The following DCANP1 variants were observed in gnomAD, a reference collection of about 807,000 sequenced individuals.
DCANP1 encodes the protein dendritic cell associated nuclear protein 1, also known as dendritic cell nuclear protein 1.
For synonymous variants in DCANP1, 139 were observed against 124.2 expected (o/e 1.12, Z -0.79); for missense variants, 328 against 293.7 (o/e 1.12, Z -0.85).
In DCANP1 at chr5:135,446,844, G is replaced by A. The variant is rs1218150137; in HGVS notation, c.265C>T (p.Leu89Phe). Residue 89 changes from leucine to phenylalanine, a missense_variant, in exon 1 of 1, where the codon CTC becomes TTC. Leu to Phe is a conservative substitution (Grantham distance 22, BLOSUM62 0). Coordinates refer to ENST00000503143, the MANE Select transcript of DCANP1 (RefSeq NM_130848.3). ...TTGGAGTTGCAGAGTCCCCTGTGGA[G>A]GAATTGAACTGCCCCCTCTCGCAGG... Reference protein sequence around the residue: ...GVLREGAVQFLHRGLCNSNLS... With the variant: ...GVLREGAVQFFHRGLCNSNLS... The A allele has an allele frequency of 1.2e-6, 2 of 1,613,958 alleles. No individual in the cohort carries two copies. The highest frequency in any genetic ancestry group is 2.2e-5 in the East Asian group (1 of 44,874).
rs972798402 is a variant in DCANP1, at chr5:135,445,112, C to T, written c.*1262G>A. On this transcript the variant is annotated 3_prime_UTR_variant, in exon 1 of 1. Coordinates refer to ENST00000503143, the MANE Select transcript of DCANP1 (RefSeq NM_130848.3). ...CCTCTGATTGCTATCCTCAGAGCCC[C>T]TCCAGGGTCTCCTTGGCAGGGGCTG... is the stretch of plus-strand genomic sequence containing the variant. 2.0e-5 allele frequency: 3 copies of T among 152,300 alleles called. No individual in the cohort carries two copies. The highest frequency in any genetic ancestry group is 2.9e-5 in the Non-Finnish European group (2 of 68,034). The allele number at this position is 152,300 out of a possible 1,614,324, so 9.4% of individuals were successfully genotyped here. A position where few individuals can be genotyped will look rare whatever the true frequency, so the allele number is the denominator to read the frequency against.
At position 135,446,689 on chromosome 5, in the gene DCANP1, C is replaced by T. The variant is rs372976487; in HGVS notation, c.420G>A (p.Pro140=). Residue 140 remains proline (P), a synonymous_variant, in exon 1 of 1, where the codon CCG becomes CCA. Transcript: ENST00000503143. ...KHLVCSFRLY[P]FTVHTVSPGN... ...CCGGTGAGACTGTGTGAACTGTGAA[C>T]GGGTAGAGTCTGAAACTACAAACCA... 8.9e-5 allele frequency: 143 copies of T among 1,613,758 alleles called. No homozygotes were observed. The highest frequency in any genetic ancestry group is 7.6e-4 in the East Asian group (34 of 44,874).
chr5:135,446,008 G>C lies in DCANP1; in HGVS notation c.*366C>G, dbSNP rs778421248. ...GTAGCTCCTTTTGTGCCTGAGTGTA[G>C]ACTGGGTCCATGTGCCTACATGCAT... is the stretch of plus-strand genomic sequence containing the variant. On this transcript the variant is annotated 3_prime_UTR_variant, in exon 1 of 1. Transcript: ENST00000503143. 4.8e-5 allele frequency: 9 copies of C among 186,964 alleles called. No individual in the cohort carries two copies. The highest frequency in any genetic ancestry group is 7.0e-5 in the African/African-American group (3 of 42,564). 11.6% of individuals were successfully genotyped at this position (186,964 alleles called of 1,614,324 possible). A position where few individuals can be genotyped will look rare whatever the true frequency, so the allele number is the denominator to read the frequency against.
rs1769213549 is a variant in DCANP1, at chr5:135,444,280, TCA to T, written c.*2092_*2093del. On this transcript the variant is annotated 3_prime_UTR_variant, in exon 1 of 1. Coordinates refer to ENST00000503143, the MANE Select transcript of DCANP1 (RefSeq NM_130848.3). ...GAGTTCACGTTAAAGGTAAGAGGAA[TCA>T]CAGCCCTGCAATTCAAATAGGGTTC... is the stretch of plus-strand genomic sequence containing the variant. The T allele has an allele frequency of 6.6e-6, 1 of 152,342 alleles. No individual in the cohort carries two copies. The highest frequency in any genetic ancestry group is 1.9e-4 in the East Asian group (1 of 5,194). The allele number at this position is 152,342 out of a possible 1,614,324, so 9.4% of individuals were successfully genotyped here.
Position 135,446,055 on chromosome 5 carries a change from G to C in DCANP1, c.*319C>G, listed in dbSNP as rs903300452. ...GCATTCAGTTCCTCCCACCAAACTG[G>C]ACAGTGATAGCTAACCCTGTTGACC... On this transcript the variant is annotated 3_prime_UTR_variant, in exon 1 of 1. Coordinates refer to ENST00000503143, the MANE Select transcript of DCANP1 (RefSeq NM_130848.3). 4.3e-6 allele frequency: 1 copy of C among 234,008 alleles called. No individual in the cohort carries two copies. The highest frequency in any genetic ancestry group is 8.4e-6 in the Non-Finnish European group (1 of 119,288). The allele number at this position is 234,008 out of a possible 1,614,324, so 14.5% of individuals were successfully genotyped here.
Position 135,447,140 on chromosome 5 carries a change from C to T in DCANP1, c.-32G>A. The T allele has an allele frequency of 6.2e-7, 1 of 1,613,680 alleles. No individual in the cohort carries two copies. Among genetic ancestry groups the T allele is most frequent in the African/African-American group, 1.3e-5 (1 of 75,054 alleles). On this transcript the variant is annotated 5_prime_UTR_variant, in exon 1 of 1. Transcript: ENST00000503143. ...GGGACCATTTTGGTCAGTGACAGAT[C>T]ACTGCTGCTTTTCATCAGACCAAAA... is the stretch of plus-strand genomic sequence containing the variant.
rs1469659922 is a variant in DCANP1 at position 135,446,237 on chromosome 5, G to C, written c.*137C>G. The C allele has an allele frequency of 1.2e-5, 12 of 1,009,770 alleles. No homozygotes were observed. In the Admixed American group the frequency reaches 1.5e-4, roughly 12 times the overall value. 62.6% of individuals were successfully genotyped at this position (1,009,770 alleles called of 1,614,324 possible). ...CCAGGATCACAGAACTATAGTAAGT[G>C]GGGGTGGGGACAAGAATTCTAACCC... On this transcript the variant is annotated 3_prime_UTR_variant, in exon 1 of 1. Coordinates refer to ENST00000503143, the MANE Select transcript of DCANP1 (RefSeq NM_130848.3).
Position 135,444,439 on chromosome 5 carries a change from G to A in DCANP1, c.*1935C>T, listed in dbSNP as rs575198464. 2.3e-4 allele frequency: 35 copies of A among 152,394 alleles called. No homozygotes were observed. Among genetic ancestry groups the A allele is most frequent in the African/African-American group, 7.0e-4 (29 of 41,588 alleles). 9.4% of individuals were successfully genotyped at this position (152,394 alleles called of 1,614,324 possible). Reference sequence around the variant, plus strand: ...AGGTTAGGCTGCCACCATGAGGGAAGCTGGAGGGAGGACCTGTTAACCTCA... The same window carrying A: ...AGGTTAGGCTGCCACCATGAGGGAAACTGGAGGGAGGACCTGTTAACCTCA... On this transcript the variant is annotated 3_prime_UTR_variant, in exon 1 of 1. Coordinates refer to ENST00000503143, the MANE Select transcript of DCANP1 (RefSeq NM_130848.3).
In DCANP1 at chr5:135,446,987, T is replaced by C. The variant is rs1437612832; in HGVS notation, c.122A>G (p.His41Arg). ...AAAGTTCTCTGGTGGAGCTGGGGAG[T>C]GGCACCCTGGGAACTCTGGGGTTTC... ...GGETPEFPGC[H>R]SPAPPENFGN... The change falls in exon 1 of 1, where the codon CAC (histidine) becomes CGC (arginine). Residue 41 changes from histidine to arginine, a missense_variant. Coordinates refer to ENST00000503143, the MANE Select transcript of DCANP1 (RefSeq NM_130848.3). 1 of 1,613,034 alleles carries C rather than the reference T, an allele frequency of 6.2e-7. No homozygotes were observed. The highest frequency in any genetic ancestry group is 1.6e-4 in the Middle Eastern group (1 of 6,062).
Position 135,446,640 on chromosome 5 carries a change from G to C in DCANP1, c.469C>G (p.Gln157Glu), listed in dbSNP as rs1233092779. 1.2e-6 allele frequency: 2 copies of C among 1,613,916 alleles called. No individual in the cohort carries two copies. Among genetic ancestry groups the C allele is most frequent in the African/African-American group, 2.7e-5 (2 of 74,938 alleles). The change falls in exon 1 of 1, where the codon CAA (glutamine) becomes GAA (glutamate). Residue 157 changes from glutamine to glutamate, a missense_variant. Physicochemically the swap from Gln to Glu is conservative, Grantham distance 29. Coordinates refer to ENST00000503143, the MANE Select transcript of DCANP1 (RefSeq NM_130848.3). Reference protein sequence around the residue: ...SPGNSHLALYQVFKAVKLCPS... With the variant: ...SPGNSHLALYEVFKAVKLCPS... ...CAGAGCTTAACTGCCTTAAAAACTT[G>C]GTACAGGGCAAGGTGTGAGTTTCCC...
chr5:135,444,331 A>G lies in DCANP1; in HGVS notation c.*2043T>C, dbSNP rs141567907. On this transcript the variant is annotated 3_prime_UTR_variant, in exon 1 of 1. Coordinates refer to ENST00000503143, the MANE Select transcript of DCANP1 (RefSeq NM_130848.3). ...TCATTAAATTCGGCATCTCCTCTTA[A>G]CTGGGCTGGGTTGTTTACTCCTCCC... 89 of 152,320 alleles carry G rather than the reference A, an allele frequency of 5.8e-4. No individual in the cohort carries two copies. The highest frequency in any genetic ancestry group is 2.0e-3 in the African/African-American group (84 of 41,566). 9.4% of individuals were successfully genotyped at this position (152,320 alleles called of 1,614,324 possible).
chr5:135,445,074 C>T lies in DCANP1; in HGVS notation c.*1300G>A, dbSNP rs1769231309. 6.6e-6 allele frequency: 1 copy of T among 152,244 alleles called. No individual in the cohort carries two copies. The highest frequency in any genetic ancestry group is 1.5e-5 in the Non-Finnish European group (1 of 68,080). 9.4% of individuals were successfully genotyped at this position (152,244 alleles called of 1,614,324 possible). On this transcript the variant is annotated 3_prime_UTR_variant, in exon 1 of 1. Transcript: ENST00000503143. Reference sequence around the variant, plus strand: ...GGTGGGCAACAGGCCTGGGCTCAGTCCAGCCAGCCCAACCTCTGATTGCTA... The same window carrying T: ...GGTGGGCAACAGGCCTGGGCTCAGTTCAGCCAGCCCAACCTCTGATTGCTA...
At position 135,445,548 on chromosome 5, in the gene DCANP1, G is replaced by C. The variant is rs1769241144; in HGVS notation, c.*826C>G. The C allele has an allele frequency of 6.6e-6, 1 of 152,448 alleles. No individual in the cohort carries two copies. Among genetic ancestry groups the C allele is most frequent in the Admixed American group, 6.5e-5 (1 of 15,284 alleles). The allele number at this position is 152,448 out of a possible 1,614,324, so 9.4% of individuals were successfully genotyped here. A position where few individuals can be genotyped will look rare whatever the true frequency, so the allele number is the denominator to read the frequency against. ...TAGTATCCAAGGGGACTGCTGCCTT[G>C]ACCACCAGAGCCCCCCCGTCTGTGC... is the stretch of plus-strand genomic sequence containing the variant. On this transcript the variant is annotated 3_prime_UTR_variant, in exon 1 of 1. Transcript: ENST00000503143.
In DCANP1 at chr5:135,446,906, T is replaced by G. The variant is rs149382960; in HGVS notation, c.203A>C (p.Tyr68Ser). The change falls in exon 1 of 1, where the codon TAC (tyrosine) becomes TCC (serine). Residue 68 changes from tyrosine (Y) to serine (S), a missense_variant. Physicochemically the swap from Tyr to Ser is moderately radical, Grantham distance 144. Coordinates refer to ENST00000503143, the MANE Select transcript of DCANP1 (RefSeq NM_130848.3). ...APLQGLSEGLYPPGRNKTLPA... is the reference protein window; with the variant it reads ...APLQGLSEGLSPPGRNKTLPA... Reference sequence around the variant, plus strand: ...CAAGGTTTTGTTCCTCCCTGGAGGGTAGAGACCCTCACTGAGGCCCTGGAG... The same window carrying G: ...CAAGGTTTTGTTCCTCCCTGGAGGGGAGAGACCCTCACTGAGGCCCTGGAG... 7.4e-6 allele frequency: 12 copies of G among 1,613,336 alleles called. No homozygotes were observed. The highest frequency in any genetic ancestry group is 1.6e-4 in the Middle Eastern group (1 of 6,062).
At position 135,445,132 on chromosome 5, in the gene DCANP1, G is replaced by A. The variant is rs1580653454; in HGVS notation, c.*1242C>T. 2.0e-5 allele frequency: 3 copies of A among 152,264 alleles called. No individual in the cohort carries two copies. The highest frequency in any genetic ancestry group is 4.8e-5 in the African/African-American group (2 of 41,556). The allele number at this position is 152,264 out of a possible 1,614,324, so 9.4% of individuals were successfully genotyped here. On this transcript the variant is annotated 3_prime_UTR_variant, in exon 1 of 1. Transcript: ENST00000503143. ...AGCCCCTCCAGGGTCTCCTTGGCAG[G>A]GGCTGTCCCCTATGAGCCTCTGCAG... is the stretch of plus-strand genomic sequence containing the variant.
chr5:135,447,099 C>G lies in DCANP1; in HGVS notation c.10G>C (p.Gly4Arg). ...GAGTTCTGTATGTGGGTTGCTGCTC[C>G]GTAATGCATAGTTGGGGGACCATTT... MHY[G>R]AATHIQNSRS... The change falls in exon 1 of 1, where the codon GGA becomes CGA. Residue 4 changes from glycine to arginine, a missense_variant. By Grantham distance (125) the Gly-to-Arg change is moderately radical. Transcript: ENST00000503143. 6.2e-7 allele frequency: 1 copy of G among 1,614,032 alleles called. No homozygotes were observed. The highest frequency in any genetic ancestry group is 1.1e-5 in the South Asian group (1 of 91,080).
In DCANP1 at chr5:135,444,884, A is replaced by C. The variant is rs535318473; in HGVS notation, c.*1490T>G. On this transcript the variant is annotated 3_prime_UTR_variant, in exon 1 of 1. Transcript: ENST00000503143. ...TAAAGCCACCCATCCTATGAAACTC[A>C]CTCCTTTGGGTTAAGCATCACGTTC... 1 of 151,742 alleles carries C rather than the reference A, an allele frequency of 6.6e-6. No individual in the cohort carries two copies. The highest frequency in any genetic ancestry group is 2.1e-4 in the South Asian group (1 of 4,782). 9.4% of individuals were successfully genotyped at this position (151,742 alleles called of 1,614,324 possible). A position where few individuals can be genotyped will look rare whatever the true frequency, so the allele number is the denominator to read the frequency against.
Position 135,446,738 on chromosome 5 carries a change from C to T in DCANP1, c.371G>A (p.Arg124Lys). 1 of 1,613,924 alleles carries T rather than the reference C, an allele frequency of 6.2e-7. No homozygotes were observed. Among genetic ancestry groups the T allele is most frequent in the Non-Finnish European group, 8.5e-7 (1 of 1,179,822 alleles). Reference sequence around the variant, plus strand: ...CAGATGTTTCCGGGCTCCCTCCCGCCTGGTCTGGCCTGTCTTCCTTCTGCT... The same window carrying T: ...CAGATGTTTCCGGGCTCCCTCCCGCTTGGTCTGGCCTGTCTTCCTTCTGCT... ...HSSRRKTGQT[R>K]REGARKHLVC... The change falls in exon 1 of 1, where the codon AGG (arginine) becomes AAG (lysine). Residue 124 changes from arginine to lysine, a missense_variant. By Grantham distance (26) the Arg-to-Lys change is conservative (BLOSUM62 2). Coordinates refer to ENST00000503143, the MANE Select transcript of DCANP1 (RefSeq NM_130848.3).
rs530686646 is a variant in DCANP1 at position 135,446,427 on chromosome 5, G to T, written c.682C>A (p.Pro228Thr). 547 of 1,612,664 alleles carry T rather than the reference G, an allele frequency of 3.4e-4. 4 individuals are homozygous for T. In the South Asian group the frequency reaches 5.8e-3, roughly 17 times the overall value. ...QSRRVSSSQQ[P>T]PLHSLSSHRR... ...TGGGAGCTGAGAGAATGCAGTGGAG[G>T]TTGTTGGGAGGAACTCACCCGCCTG... The change falls in exon 1 of 1, where the codon CCT becomes ACT. Residue 228 changes from proline to threonine, a missense_variant. Transcript: ENST00000503143.
Sources: allele counts gnomAD v4.1 joint callset, GRCh38; gene constraint gnomAD v4.1.1; transcripts MANE v1.5; gene names NCBI Gene and HGNC (gene_info 2026-07-23, HGNC 2026-07-21).